PPP1R14C: variants seen among roughly 807,000 people sequenced by gnomAD.
The protein encoded by PPP1R14C is protein phosphatase 1 regulatory subunit 14C.
A neutral mutation model predicts 20.4 loss-of-function variants in PPP1R14C; 16 were observed. That is an observed-to-expected ratio of 0.78 (90% CI 0.53 to 1.19). PPP1R14C has a LOEUF of 1.19. Among genes scored for constraint, PPP1R14C ranks in the 50% most tolerant of loss-of-function variants. The pLI is 0.00. For missense variants in PPP1R14C, 211 were observed against 220.1 expected (o/e 0.96, Z 0.26); for synonymous variants, 91 against 91.0 (o/e 1.00, Z 0.00).
At chr6:150,243,477 C>G (rs1582936565) in intron 3 of PPP1R14C, among the ~76,000 whole-genome samples, 1 of 151,922 alleles carries the variant, frequency 6.6e-6, no homozygotes, top group East Asian at 1.9e-4. Flanking sequence ...GGCACCCAGC[C>G]CTAAAGCTCT....
intron 3 of PPP1R14C, among the ~76,000 whole-genome samples, chr6:150,225,825 T>C (rs1189345648): frequency 6.6e-6 from 1 of 152,228 alleles, no homozygotes; most frequent in African/African-American, 2.4e-5. Context: ...TATTAGGCCC[T>C]TAGTATGCTA....
In PPP1R14C at chr6:150,179,703, C is replaced by CT. The variant is rs202144184; in HGVS notation, c.307-35033dup. 2.3e-3 allele frequency among the ~76,000 whole-genome samples: 355 copies of CT among 151,662 alleles called. 1 individual carries two copies. Among genetic ancestry groups the CT allele is most frequent in the African/African-American group, 7.4e-3 (308 of 41,348 alleles). On this transcript the variant is annotated intron_variant, in intron 1 of 3. Transcript: ENST00000361131. ...TCTCTTACACAGGTGACATAAATAA[C>CT]TTTTTTTTCCAAATACAGCTGTGAC...
chr6:150,201,481 G>A lies in PPP1R14C; in HGVS notation c.307-13263G>A, dbSNP rs1777876741. The stretch of plus-strand genomic sequence containing the variant: ...AGGCCTGGCTGGGGAGTGTCCTGAG[G>A]GATCGGAGGAGACCAGCGGAGTTAG... On this transcript the variant is annotated intron_variant, in intron 1 of 3. Coordinates refer to ENST00000361131, the MANE Select transcript of PPP1R14C (RefSeq NM_030949.3). This position sits in a 1 kb window ranked among gnomAD's most constrained non-coding sequence, Gnocchi z 4.2. 6.6e-6 allele frequency among the ~76,000 whole-genome samples: 1 copy of A among 152,180 alleles called. No individual in the cohort carries two copies. The highest frequency in any genetic ancestry group is 1.5e-5 in the Non-Finnish European group (1 of 68,048).
chr6:150,194,589 G>T, intron 1 of PPP1R14C: 1 of 977,360 alleles, frequency 1.0e-6, no homozygotes, highest in Non-Finnish European at 1.2e-6. Flanking sequence ...TGATTAAATA[G>T]TGTTTTATTT....
rs200073319 is a variant in PPP1R14C, at chr6:150,188,219, CT to C, written c.307-26523del. Among the ~76,000 whole-genome samples, 301 of 152,232 alleles carry C rather than the reference CT, an allele frequency of 2.0e-3. 4 individuals are homozygous for C. In the East Asian group the frequency reaches 0.027, roughly 14 times the overall value. The stretch of plus-strand genomic sequence containing the variant: ...GATCTCTAATTTAGAACAGATTAGT[CT>C]TCTGGATTAATTAGTCTTCTTCTAG... On this transcript the variant is annotated intron_variant, in intron 1 of 3. Coordinates refer to ENST00000361131, the MANE Select transcript of PPP1R14C (RefSeq NM_030949.3).
chr6:150,177,271 C>T (rs1390797026), intron 1 of PPP1R14C, among the ~76,000 whole-genome samples: 1 of 152,178 alleles, frequency 6.6e-6, no homozygotes, highest in Non-Finnish European at 1.5e-5. Flanking sequence ...CCTGTTGTTT[C>T]TGTGAAAGGA....
rs1296262045 is a variant in PPP1R14C at position 150,249,421 on chromosome 6, G to A, written c.*601G>A. The A allele has an allele frequency of 7.5e-6, 3 of 398,566 alleles. No homozygotes were observed. Among genetic ancestry groups the A allele is most frequent in the Admixed American group, 4.4e-5 (1 of 22,718 alleles). 24.7% of individuals were successfully genotyped at this position (398,566 alleles called of 1,614,324 possible). On this transcript the variant is annotated 3_prime_UTR_variant, in exon 4 of 4. Transcript: ENST00000361131. ...TTCAACGTTCACTTTATGCACCAAA[G>A]TGAAAGAATTCAGTGTATCCGTTAT...
At chr6:150,239,592 G>A (rs1778407609) in intron 3 of PPP1R14C, among the ~76,000 whole-genome samples, 1 of 152,194 alleles carries the variant, frequency 6.6e-6, no homozygotes, top group Admixed American at 6.5e-5. Context: ...TAGTGCTGCT[G>A]GGGGTGGGGG....
intron 1 of PPP1R14C, among the ~76,000 whole-genome samples, chr6:150,158,916 A>C (rs1328010383): frequency 6.6e-6 from 1 of 152,140 alleles, no homozygotes; most frequent in Admixed American, 6.5e-5. Flanking sequence ...GCTTCTTTAT[A>C]TTTTCAGAGG....
At chr6:150,156,905 T>C (rs893245649) in intron 1 of PPP1R14C, among the ~76,000 whole-genome samples, 1 of 152,228 alleles carries the variant, frequency 6.6e-6, no homozygotes, top group Non-Finnish European at 1.5e-5. Context: ...AATGAAAACT[T>C]GTCTGTACTT....
intron 1 of PPP1R14C, among the ~76,000 whole-genome samples, chr6:150,174,586 T>G (rs1777540254): frequency 6.6e-6 from 1 of 152,052 alleles, no homozygotes; most frequent in African/African-American, 2.4e-5. Context: ...TTATAATATA[T>G]TCTGTCCTCT....
At chr6:150,168,568 A>C (rs573054744) in intron 1 of PPP1R14C, among the ~76,000 whole-genome samples, 11 of 142,380 alleles carry the variant, frequency 7.7e-5, no homozygotes, top group Non-Finnish European at 1.5e-5. Context: ...AAACAAAAAA[A>C]CCCTTGATTC....
At chr6:150,144,693 G>T (rs973154868) in intron 1 of PPP1R14C, among the ~76,000 whole-genome samples, 8 of 152,196 alleles carry the variant, frequency 5.3e-5, no homozygotes, top group African/African-American at 1.7e-4. Context: ...CACCCTCATT[G>T]CACAAGAAAA....
intron 1 of PPP1R14C, among the ~76,000 whole-genome samples, chr6:150,170,286 T>A (rs1358580877): frequency 6.6e-6 from 1 of 152,000 alleles, no homozygotes; most frequent in Non-Finnish European, 1.5e-5. Context: ...ATTCAACACA[T>A]ACTCATTACA....
In PPP1R14C at chr6:150,249,953, T is replaced by A. The variant is rs1246645056; in HGVS notation, c.*1133T>A. Reference sequence around the variant, plus strand: ...TCTCTCAATGGCTTGTGTTGAGGACTCTGGGTGCTCCTGGCCCTAATTGTG... The same window carrying A: ...TCTCTCAATGGCTTGTGTTGAGGACACTGGGTGCTCCTGGCCCTAATTGTG... On this transcript the variant is annotated 3_prime_UTR_variant, in exon 4 of 4. Transcript: ENST00000361131. The A allele has an allele frequency of 6.3e-6, 1 of 158,010 alleles. No individual in the cohort carries two copies. The highest frequency in any genetic ancestry group is 1.4e-5 in the Non-Finnish European group (1 of 72,038). 9.8% of individuals were successfully genotyped at this position (158,010 alleles called of 1,614,324 possible). A position where few individuals can be genotyped will look rare whatever the true frequency, so the allele number is the denominator to read the frequency against.
intron 1 of PPP1R14C, among the ~76,000 whole-genome samples, chr6:150,200,361 G>A (rs1049056125): frequency 2.6e-5 from 4 of 152,022 alleles, no homozygotes; most frequent in African/African-American, 9.7e-5. Flanking sequence ...ATGGTGCCGG[G>A]GTCCGAATTA....
chr6:150,189,044 A>G (rs1198948086), intron 1 of PPP1R14C, among the ~76,000 whole-genome samples: 1 of 151,726 alleles, frequency 6.6e-6, no homozygotes, highest in Non-Finnish European at 1.5e-5. Flanking sequence ...TTTTTAGTAG[A>G]GACAGGATTT....
At chr6:150,186,695 G>A (rs550640329) in intron 1 of PPP1R14C, among the ~76,000 whole-genome samples, 46 of 152,176 alleles carry the variant, frequency 3.0e-4, no homozygotes, top group Non-Finnish European at 5.6e-4. Flanking sequence ...GGCCTGAGGC[G>A]GGGGATGACC....
intron 1 of PPP1R14C, among the ~76,000 whole-genome samples, chr6:150,149,455 C>CTTTTTTTTTTTTTTTTT (rs869244401): frequency 2.5e-4 from 9 of 35,474 alleles, no homozygotes; most frequent in East Asian, 4.9e-3. Flanking sequence ...TTTTTTTTTT[C>CTTTTTTTTTTTTTTTTT]TTTTTTTTTT....
Sources: allele counts gnomAD v4.1 joint callset (sites outside exome capture counted in the v4.1 genomes callset), GRCh38; gene constraint gnomAD v4.1.1; non-coding constraint Gnocchi (gnomAD v3.1); transcripts MANE v1.5; gene names NCBI Gene and HGNC (gene_info 2026-07-23, HGNC 2026-07-21).